SHISA9: variants seen among roughly 807,000 people sequenced by gnomAD.
The protein encoded by SHISA9 is shisa family member 9.
A neutral mutation model predicts 38.0 loss-of-function variants in SHISA9; 13 were observed. The observed-to-expected ratio is 0.34, with a 90% confidence interval of 0.22 to 0.54. SHISA9 has a LOEUF of 0.54. Ranked by LOEUF, SHISA9 falls within the 20% of genes least tolerant of loss-of-function variation. The pLI is 0.91. For synonymous variants in SHISA9, 275 were observed against 242.0 expected, an observed-to-expected ratio of 1.14 and a Z score of -1.27; for missense variants, 538 against 575.8, an observed-to-expected ratio of 0.93 and a Z score of 0.67.
the SHISA9 span, among the ~76,000 whole-genome samples, chr16:13,346,329 C>T: frequency 6.6e-6 from 1 of 152,154 alleles, no homozygotes; most frequent in East Asian, 1.9e-4. Context: ...GGGCTAAAGA[C>T]CCCTACAGCT....
chr16:13,315,730 T>C, the SHISA9 span, among the ~76,000 whole-genome samples: 1 of 152,204 alleles, frequency 6.6e-6, no homozygotes, highest in Non-Finnish European at 1.5e-5. Context: ...GTGCATAATA[T>C]AGTTAGCTAT....
chr16:12,952,399 C>T (rs2071769899), intron 2 of SHISA9, among the ~76,000 whole-genome samples: 1 of 152,212 alleles, frequency 6.6e-6, no homozygotes. Flanking sequence ...TGAGTCTTCC[C>T]CAGTTTTTAT....
the SHISA9 span, among the ~76,000 whole-genome samples, chr16:13,554,601 C>T: frequency 1.3e-5 from 2 of 151,248 alleles, no homozygotes; most frequent in African/African-American, 4.9e-5. Flanking sequence ...AAGCAATTCT[C>T]CTGTCTCAGC....
Position 12,997,588 on chromosome 16 carries a change from T to A in SHISA9, c.691+80773T>A, listed in dbSNP as rs74526230. Among the ~76,000 whole-genome samples, 1,535 of 152,068 alleles carry A rather than the reference T, an allele frequency of 0.01. 38 individuals are homozygous for A. In the East Asian group the frequency reaches 0.11, roughly 11 times the overall value. On this transcript the variant is annotated intron_variant, in intron 2 of 4. Coordinates refer to ENST00000558583, the MANE Select transcript of SHISA9 (RefSeq NM_001145204.3). ...AACCTGGCTAATTTTTGTATTTTTG[T>A]AGAGATAGGGTTTCACCATGTTGAC...
chr16:12,909,646 A>G (rs1596523334), intron 1 of SHISA9: 13 of 977,736 alleles, frequency 1.3e-5, no homozygotes, highest in Non-Finnish European at 1.6e-5. Context: ...CCCAGCTCCA[A>G]TGTCATCTTC....
the SHISA9 span, among the ~76,000 whole-genome samples, chr16:13,529,122 A>C: frequency 1.3e-5 from 2 of 152,226 alleles, no homozygotes; most frequent in African/African-American, 4.8e-5. Flanking sequence ...TCTGTTTTGC[A>C]GTTTGGACAC....
At chr16:13,365,454 CTTTTTTTTTT>C in the SHISA9 span, among the ~76,000 whole-genome samples, 1 of 112,506 alleles carries the variant, frequency 8.9e-6, no homozygotes, top group South Asian at 3.1e-4. Flanking sequence ...GAGTATACCT[CTTTTTTTTTT>C]TTTTTTTTTT....
At chr16:13,260,316 G>A in the SHISA9 span, among the ~76,000 whole-genome samples, 3 of 151,812 alleles carry the variant, frequency 2.0e-5, no homozygotes, top group South Asian at 2.1e-4. Flanking sequence ...GCGCCTGGCC[G>A]GGTTTTTCTT....
chr16:13,338,294 C>T, the SHISA9 span, among the ~76,000 whole-genome samples: 1 of 152,192 alleles, frequency 6.6e-6, no homozygotes, highest in Non-Finnish European at 1.5e-5. Flanking sequence ...ACAATCTCTT[C>T]TTTTTGCTTA....
rs1055805492 is a variant in SHISA9 at position 12,908,758 on chromosome 16, C to T, written c.563+6131C>T. ...CTAGGAATGCTTTCTATATCGGCCC[C>T]GGCAGGCCCAGACGTCTTGGTGGAG... On this transcript the variant is annotated intron_variant, in intron 1 of 4. Coordinates refer to ENST00000558583, the MANE Select transcript of SHISA9 (RefSeq NM_001145204.3). 2.5e-5 allele frequency: 35 copies of T among 1,397,910 alleles called. No homozygotes were observed. In the Admixed American group the frequency reaches 3.9e-4, roughly 15 times the overall value. The allele number at this position is 1,397,910 out of a possible 1,614,324, so 86.6% of individuals were successfully genotyped here. A position where few individuals can be genotyped will look rare whatever the true frequency, so the allele number is the denominator to read the frequency against.
At chr16:13,197,104 TACACAC>T (rs58365720) in intron 2 of SHISA9, among the ~76,000 whole-genome samples, 29 of 106,580 alleles carry the variant, frequency 2.7e-4, no homozygotes, top group East Asian at 9.0e-4. Flanking sequence ...TCTCTGTACA[TACACAC>T]ACACACACAC....
chr16:13,187,129 C>T (rs911443033), intron 2 of SHISA9, among the ~76,000 whole-genome samples: 1 of 152,132 alleles, frequency 6.6e-6, no homozygotes, highest in Non-Finnish European at 1.5e-5. Flanking sequence ...TCCCCCATTC[C>T]ATGTGCCCTA....
intron 4 of SHISA9, among the ~76,000 whole-genome samples, chr16:13,227,760 C>T (rs2142081614): frequency 6.6e-6 from 1 of 152,264 alleles, no homozygotes. Context: ...CCACCAACTC[C>T]CTCCTGATCA....
chr16:13,208,790 C>T (rs2051091666), intron 3 of SHISA9, among the ~76,000 whole-genome samples: 4 of 152,150 alleles, frequency 2.6e-5, no homozygotes, highest in Admixed American at 2.6e-4. Flanking sequence ...ACTGCAGGTC[C>T]CACTGAGGCA....
At chr16:12,993,300 T>C (rs746349636) in intron 2 of SHISA9, among the ~76,000 whole-genome samples, 1 of 152,208 alleles carries the variant, frequency 6.6e-6, no homozygotes, top group Non-Finnish European at 1.5e-5. Context: ...TCCTGAGAAA[T>C]TACCTTTGAG....
intron 2 of SHISA9, among the ~76,000 whole-genome samples, chr16:13,135,861 T>G (rs1019122619): frequency 6.6e-6 from 1 of 152,128 alleles, no homozygotes; most frequent in Non-Finnish European, 1.5e-5. Flanking sequence ...AAACACCATT[T>G]TGTTGCTTAA....
chr16:13,325,451 G>A, the SHISA9 span, among the ~76,000 whole-genome samples: 1 of 152,124 alleles, frequency 6.6e-6, no homozygotes, highest in South Asian at 2.1e-4. Context: ...AGTTTTTCAG[G>A]TTTCTTTAGG....
At chr16:12,914,582 TGCTGTTGTGGCTTCTCACAACGCA>T (rs762713548) in intron 1 of SHISA9, among the ~76,000 whole-genome samples, 22 of 152,134 alleles carry the variant, frequency 1.4e-4, no homozygotes, top group Non-Finnish European at 1.2e-4. Flanking sequence ...ATGGGGCTCT[TGCTGTTGTGGCTTCTCACAACGCA>T]GCTGTTGTGA....
chr16:12,927,157 T>C (rs2071402234), intron 2 of SHISA9, among the ~76,000 whole-genome samples: 1 of 152,170 alleles, frequency 6.6e-6, no homozygotes, highest in East Asian at 1.9e-4. Flanking sequence ...ATTAAAATAA[T>C]TTATAATAAG....
Sources: gnomAD v4.1 joint callset for allele counts (sites outside exome capture counted in the v4.1 genomes callset) on GRCh38, gnomAD v4.1.1 for gene constraint, MANE v1.5 for transcripts, NCBI Gene and HGNC (gene_info 2026-07-23, HGNC 2026-07-21) for gene names.